The following SEMA6C variants were observed in gnomAD, a reference collection of about 807,000 sequenced individuals.
SEMA6C encodes the protein semaphorin 6C.
SEMA6C carries 37 observed loss-of-function variants against 72.9 expected under a neutral mutation model. That is an observed-to-expected ratio of 0.51 (90% CI 0.39 to 0.67). SEMA6C has a LOEUF of 0.67. SEMA6C is among the 30% of genes least tolerant of loss of function. The pLI is 0.00. For missense variants in SEMA6C, 1,189 were observed against 1,263.6 expected, an observed-to-expected ratio of 0.94 and a Z score of 0.89; for synonymous variants, 578 against 554.1, an observed-to-expected ratio of 1.04 and a Z score of -0.61.
At chr1:151,143,078 G>A (rs896810425) in intron 2 of SEMA6C, among the ~76,000 whole-genome samples, 5 of 152,210 alleles carry the variant, frequency 3.3e-5, no homozygotes, top group African/African-American at 1.2e-4. Flanking sequence ...ACTGGGAGGA[G>A]GAAAAGGGCA....
chr1:151,132,383 A>T lies in SEMA6C; in HGVS notation c.*101T>A. ...AGACTCTGCGAGTCGGGAAGGCTGG[A>T]GGTGCGGGGCGAGGGGGCGGTGAAA... On this transcript the variant is annotated 3_prime_UTR_variant, in exon 19 of 19. Transcript: ENST00000368914. 1 of 1,528,230 alleles carries T rather than the reference A, an allele frequency of 6.5e-7. No homozygotes were observed. The highest frequency in any genetic ancestry group is 8.8e-7 in the Non-Finnish European group (1 of 1,135,602). The allele number at this position is 1,528,230 out of a possible 1,614,324, so 94.7% of individuals were successfully genotyped here. A position where few individuals can be genotyped will look rare whatever the true frequency, so the allele number is the denominator to read the frequency against.
At position 151,146,036 on chromosome 1, in the gene SEMA6C, T is replaced by A. The variant is rs994930497; in HGVS notation, c.-105+397A>T. 3.9e-5 allele frequency: 6 copies of A among 152,014 alleles called. No individual in the cohort carries two copies. The highest frequency in any genetic ancestry group is 5.9e-5 in the Non-Finnish European group (4 of 68,006). 9.4% of individuals were successfully genotyped at this position (152,014 alleles called of 1,614,324 possible). On this transcript the variant is annotated intron_variant, in intron 1 of 18. Transcript: ENST00000368914. This position sits in a 1 kb window ranked among gnomAD's most constrained non-coding sequence, Gnocchi z 4.6. ...CCGGAACGATGCGTCCCTCTTCCCA[T>A]CCCTTCAGGGGCGTCAGGAGGGTCT...
At position 151,133,597 on chromosome 1, in the gene SEMA6C, C is replaced by G. The variant is rs1681765303; in HGVS notation, c.1760-80G>C. The G allele has an allele frequency of 1.4e-6, 2 of 1,436,384 alleles. No individual in the cohort carries two copies. The highest frequency in any genetic ancestry group is 1.4e-5 in the African/African-American group (1 of 69,398). The allele number at this position is 1,436,384 out of a possible 1,614,324, so 89.0% of individuals were successfully genotyped here. On this transcript the variant is annotated intron_variant, in intron 18 of 18. Coordinates refer to ENST00000368914, the MANE Select transcript of SEMA6C (RefSeq NM_030913.6). This position sits in a 1 kb window ranked among gnomAD's most constrained non-coding sequence, Gnocchi z 5.9. ...CCTAGGCCCAGAGGCGCCGGCAGTT[C>G]CCAGGCCTGACATCATCGTCCCTCC...
chr1:151,140,023 G>A lies in SEMA6C; in HGVS notation c.186C>T (p.Asp62=), dbSNP rs1682399232. The change falls in exon 4 of 19, where the codon GAC becomes GAT. Residue 62 remains aspartate (D), a synonymous_variant. Transcript: ENST00000368914. ...GGTTCAAGGTCAGGAATCTCTGAAAGTCCAGCCCAAGTTCTGCAGCCACAG... is the reference window on the plus strand; with the variant it reads ...GGTTCAAGGTCAGGAATCTCTGAAAATCCAGCCCAAGTTCTGCAGCCACAG... ...DDAVAAELGL[D]FQRFLTLNRT... 1.2e-6 allele frequency: 2 copies of A among 1,614,200 alleles called. No homozygotes were observed. The highest frequency in any genetic ancestry group is 2.2e-5 in the East Asian group (1 of 44,878).
chr1:151,138,634 T>C lies in SEMA6C; in HGVS notation c.452A>G (p.Tyr151Cys). Residue 151 changes from tyrosine (Y) to cysteine (C), a missense_variant, in exon 7 of 19, where the codon TAT becomes TGT. Coordinates refer to ENST00000368914, the MANE Select transcript of SEMA6C (RefSeq NM_030913.6). ...TNSFSPVCRSYGITSLQQEGE... is the reference protein window; with the variant it reads ...TNSFSPVCRSCGITSLQQEGE... ...CCCCCACCCTCTCTTTTGTACCCCA[T>C]AGCTGCGGCACACAGGGCTGAATGA... 6.2e-7 allele frequency: 1 copy of C among 1,613,140 alleles called. No individual in the cohort carries two copies. Among genetic ancestry groups the C allele is most frequent in the Non-Finnish European group, 8.5e-7 (1 of 1,179,108 alleles).
intron 6 of SEMA6C, 82 bp from the exon 7 acceptor site, chr1:151,138,813 G>C (rs949060442): frequency 3.4e-6 from 4 of 1,176,718 alleles, no homozygotes; most frequent in Non-Finnish European, 5.0e-6. Context: ...GGCTTACAGG[G>C]CGGGCGTGGT....
In SEMA6C at chr1:151,133,392, A is replaced by G. The variant is rs1162876363; in HGVS notation, c.1885T>C (p.Cys629Arg). 2 of 1,598,992 alleles carry G rather than the reference A, an allele frequency of 1.3e-6. No individual in the cohort carries two copies. The highest frequency in any genetic ancestry group is 3.4e-5 in the Admixed American group (2 of 59,274). Residue 629 changes from cysteine (C) to arginine (R), a missense_variant, in exon 19 of 19, where the codon TGT (cysteine) becomes CGT (arginine). Cys to Arg is a radical substitution (Grantham distance 180). This residue lies in a region of SEMA6C where 721 missense variants were observed against 686.2 expected (regional missense o/e 1.05). Coordinates refer to ENST00000368914, the MANE Select transcript of SEMA6C (RefSeq NM_030913.6). This position sits in a 1 kb window ranked among gnomAD's most constrained non-coding sequence, Gnocchi z 5.9. Reference protein sequence around the residue: ...SVSGLLVSCACRRAHRRRGKD... With the variant: ...SVSGLLVSCARRRAHRRRGKD... ...CCCCGACGTCGGTGGGCGCGGCGAC[A>G]AGCACAGGAGACCAGGAGGCCAGAG...
intron 3 of SEMA6C, among the ~76,000 whole-genome samples, chr1:151,141,268 G>A (rs1682527350): frequency 6.6e-6 from 1 of 152,118 alleles, no homozygotes; most frequent in Non-Finnish European, 1.5e-5. Context: ...GGGAACCACT[G>A]AACTAGTATT....
rs1300341400 is a variant in SEMA6C at position 151,133,623 on chromosome 1, C to T, written c.1760-106G>A. 2.1e-6 allele frequency: 3 copies of T among 1,428,198 alleles called. No homozygotes were observed. The highest frequency in any genetic ancestry group is 2.5e-5 in the East Asian group (1 of 39,470). The allele number at this position is 1,428,198 out of a possible 1,614,324, so 88.5% of individuals were successfully genotyped here. ...CCAGGCCTGACATCATCGTCCCTCCCGCTGCTACTCAGCCTCACTCCTACA... is the reference window on the plus strand; with the variant it reads ...CCAGGCCTGACATCATCGTCCCTCCTGCTGCTACTCAGCCTCACTCCTACA... On this transcript the variant is annotated intron_variant, in intron 18 of 18. Transcript: ENST00000368914. The surrounding 1 kb of genome is among the most constrained non-coding windows in gnomAD (Gnocchi z 5.9).
chr1:151,136,424 CA>C (rs767992529), intron 12 of SEMA6C, 23 bp downstream of exon 12: 21 of 1,607,190 alleles, frequency 1.3e-5, no homozygotes, highest in Non-Finnish European at 1.8e-5. Flanking sequence ...TCTGCCCCCA[CA>C]AAAACAACTC....
chr1:151,139,757 ACAGT>A lies in SEMA6C; in HGVS notation c.234-60_234-57del, dbSNP rs1682375829. Reference sequence around the variant, plus strand: ...CTAGTCAAGGCACCCCACTTTACCCACAGTCAGCTGTTCAGGGACAAACAGTGCA... The same window carrying A: ...CTAGTCAAGGCACCCCACTTTACCCACAGCTGTTCAGGGACAAACAGTGCA... On this transcript the variant is annotated intron_variant, in intron 4 of 18. Coordinates refer to ENST00000368914, the MANE Select transcript of SEMA6C (RefSeq NM_030913.6). The A allele has an allele frequency of 2.5e-5, 37 of 1,504,510 alleles. 1 individual carries two copies. The South Asian group carries it at 4.2e-4, about 17-fold the overall frequency. The allele number at this position is 1,504,510 out of a possible 1,614,324, so 93.2% of individuals were successfully genotyped here. A position where few individuals can be genotyped will look rare whatever the true frequency, so the allele number is the denominator to read the frequency against.
At position 151,133,815 on chromosome 1, in the gene SEMA6C, C is replaced by A. The variant is rs1257417719; in HGVS notation, c.1760-298G>T. 2 of 879,496 alleles carry A rather than the reference C, an allele frequency of 2.3e-6. No homozygotes were observed. Among genetic ancestry groups the A allele is most frequent in the Non-Finnish European group, 3.5e-6 (2 of 575,460 alleles). The allele number at this position is 879,496 out of a possible 1,614,324, so 54.5% of individuals were successfully genotyped here. On this transcript the variant is annotated intron_variant, in intron 18 of 18. Transcript: ENST00000368914. This position sits in a 1 kb window ranked among gnomAD's most constrained non-coding sequence, Gnocchi z 5.9. Reference sequence around the variant, plus strand: ...CAAAAACTGCTCGTGCAGGAGAACTCGGGGCTGGGATGCCCAATTCTGGGG... The same window carrying A: ...CAAAAACTGCTCGTGCAGGAGAACTAGGGGCTGGGATGCCCAATTCTGGGG...
intron 15 of SEMA6C, 88 bp from the exon 16 acceptor site, chr1:151,134,963 G>A (rs1473119856): frequency 2.1e-6 from 3 of 1,398,352 alleles, no homozygotes; most frequent in East Asian, 4.6e-5. Context: ...TGGCTTACAG[G>A]AGGCTCCCAG....
chr1:151,136,422 C>G (rs1224634737), intron 12 of SEMA6C, 26 bp downstream of exon 12: 18 of 1,607,582 alleles, frequency 1.1e-5, no homozygotes, highest in Non-Finnish European at 1.5e-5. Context: ...CTTCTGCCCC[C>G]ACAAAAACAA....
In SEMA6C at chr1:151,136,028, T is replaced by G; in HGVS notation, c.1242A>C (p.Leu414=). The change falls in exon 13 of 19, where the codon CTA becomes CTC. Residue 414 remains leucine (L), a synonymous_variant. Coordinates refer to ENST00000368914, the MANE Select transcript of SEMA6C (RefSeq NM_030913.6). ...PAVPPVTHQP[L]LTLTSRALLT... is the part of the protein sequence containing the mutation. ...CCCCATACCTGCTAGTGAGAGTGAGTAGAGGCTGATGGGTGACAGGTGGTA... is the reference window on the plus strand; with the variant it reads ...CCCCATACCTGCTAGTGAGAGTGAGGAGAGGCTGATGGGTGACAGGTGGTA... The G allele has an allele frequency of 6.2e-7, 1 of 1,613,936 alleles. No individual in the cohort carries two copies.
chr1:151,134,363 T>C (rs762894440), intron 18 of SEMA6C, 38 bp downstream of exon 18: 5 of 1,550,438 alleles, frequency 3.2e-6, no homozygotes, highest in Non-Finnish European at 4.4e-6. Flanking sequence ...GTATGTGGGC[T>C]GAGCAAGGGA....
intron 11 of SEMA6C, 99 bp downstream of exon 11, chr1:151,136,758 G>T: frequency 7.2e-7 from 1 of 1,386,238 alleles, no homozygotes; most frequent in South Asian, 1.3e-5. Context: ...TTTGTTCGGA[G>T]GTTCCCTTAA....
At chr1:151,136,385 T>C in intron 12 of SEMA6C, 63 bp downstream of exon 12, 1 of 1,583,028 alleles carries the variant, frequency 6.3e-7, no homozygotes, top group Non-Finnish European at 8.6e-7. Context: ...CTCCTCACAA[T>C]CCCATCTTGG....
At chr1:151,138,137 G>A (rs747944434) in intron 8 of SEMA6C, 32 bp from the exon 9 acceptor site, 14 of 1,610,874 alleles carry the variant, frequency 8.7e-6, no homozygotes, top group African/African-American at 1.3e-5. Flanking sequence ...GGTCAGGGGA[G>A]GGCTCAGGGA....
Sources: gnomAD v4.1 joint callset for allele counts (sites outside exome capture counted in the v4.1 genomes callset) on GRCh38, gnomAD v4.1.1 for gene constraint, gnomAD v4.1.1 regional missense constraint, Gnocchi (gnomAD v3.1) non-coding constraint, MANE v1.5 for transcripts, NCBI Gene and HGNC (gene_info 2026-07-23, HGNC 2026-07-21) for gene names.